CHCHD6: variants seen among roughly 807,000 people sequenced by gnomAD.
CHCHD6 encodes MICOS complex subunit MIC25.
CHCHD6 carries 28 observed loss-of-function variants against 32.3 expected under a neutral mutation model. The ratio of observed to expected loss-of-function variants is 0.87; its 90% CI spans 0.64 to 1.19. The LOEUF is 1.19. Ranked by LOEUF, CHCHD6 falls within the 50% of genes most tolerant of loss-of-function variation. CHCHD6 has a pLI of 0.00. For synonymous variants in CHCHD6, 122 were observed against 117.5 expected (o/e 1.04, Z -0.25); for missense variants, 333 against 307.0 (o/e 1.08, Z -0.63).
In CHCHD6 at chr3:126,836,734, G is replaced by A. The variant is rs566481907; in HGVS notation, c.412-15913G>A. On this transcript the variant is annotated intron_variant, in intron 4 of 7. Coordinates refer to ENST00000290913, the MANE Select transcript of CHCHD6 (RefSeq NM_032343.3). ...AGAGGGCGTCTGCAGGGATACGGAG[G>A]TGCTGGCTGAGCTAGGTATGCCTGT... Among the ~76,000 whole-genome samples the A allele has an allele frequency of 8.5e-5, 13 of 152,338 alleles. No individual in the cohort carries two copies. In the South Asian group the frequency reaches 2.3e-3, roughly 27 times the overall value.
At chr3:126,774,507 G>C (rs1157541254) in intron 4 of CHCHD6, among the ~76,000 whole-genome samples, 1 of 152,124 alleles carries the variant, frequency 6.6e-6, no homozygotes, top group Non-Finnish European at 1.5e-5. Context: ...TAAATTCCTG[G>C]AACCACGACT....
rs76371258 is a variant in CHCHD6, at chr3:126,844,637, T to C, written c.412-8010T>C. On this transcript the variant is annotated intron_variant, in intron 4 of 7. Coordinates refer to ENST00000290913, the MANE Select transcript of CHCHD6 (RefSeq NM_032343.3). ...CTTATTAATAACACGAAGTTAGGAC[T>C]TTGCCTTCTCATTGGGGAGTGTGAT... Among the ~76,000 whole-genome samples, 19 of 152,342 alleles carry C rather than the reference T, an allele frequency of 1.2e-4. No individual in the cohort carries two copies. In the East Asian group the frequency reaches 2.9e-3, roughly 23 times the overall value.
intron 4 of CHCHD6, among the ~76,000 whole-genome samples, chr3:126,785,273 A>T (rs890639264): frequency 6.6e-6 from 1 of 152,194 alleles, no homozygotes; most frequent in Admixed American, 6.5e-5. Flanking sequence ...AACCAAAACA[A>T]TCTCCAGATG....
At chr3:126,956,535 C>T (rs777081229) in intron 6 of CHCHD6, among the ~76,000 whole-genome samples, 94 of 151,378 alleles carry the variant, frequency 6.2e-4, no homozygotes, top group Admixed American at 9.9e-4. Context: ...CGCCCAGCAG[C>T]CGGAGGACAG....
At chr3:126,863,834 C>A (rs1200150211) in intron 5 of CHCHD6, among the ~76,000 whole-genome samples, 2 of 147,902 alleles carry the variant, frequency 1.4e-5, no homozygotes, top group East Asian at 4.6e-4. Context: ...TCTACCATCA[C>A]CACCTCCTCC....
At chr3:126,926,161 GAGTT>G (rs2107596258) in intron 6 of CHCHD6, among the ~76,000 whole-genome samples, 2 of 152,368 alleles carry the variant, frequency 1.3e-5, no homozygotes, top group South Asian at 4.1e-4. Flanking sequence ...ACCCAAGACA[GAGTT>G]AGCTCTGCCC....
intron 4 of CHCHD6, among the ~76,000 whole-genome samples, chr3:126,822,417 A>G (rs1472780994): frequency 6.6e-6 from 1 of 152,240 alleles, no homozygotes; most frequent in Non-Finnish European, 1.5e-5. Flanking sequence ...TCAGAATTCC[A>G]GTCCATGTAT....
intron 4 of CHCHD6, among the ~76,000 whole-genome samples, chr3:126,825,468 AC>A (rs1157561835): frequency 6.6e-6 from 1 of 151,874 alleles, no homozygotes; most frequent in East Asian, 1.9e-4. Context: ...TCTTTTTCTT[AC>A]TTTTTTTGGT....
rs1258150032 is a variant in CHCHD6, at chr3:126,738,692, TCCCATTGCAGTGC to T, written c.411+5479_411+5491del. On this transcript the variant is annotated intron_variant, in intron 4 of 7. Transcript: ENST00000290913. ...GTCGTCTGTTATCTTTCCCTCGTGATCCCATTGCAGTGCCCCATTGCTAATAGTTGGAAGCAAG... is the reference window on the plus strand; with the variant it reads ...GTCGTCTGTTATCTTTCCCTCGTGATCCCATTGCTAATAGTTGGAAGCAAG... 5.3e-5 allele frequency among the ~76,000 whole-genome samples: 8 copies of T among 152,284 alleles called. No individual in the cohort carries two copies. The South Asian group carries it at 1.5e-3, about 28-fold the overall frequency.
rs767410739 is a variant in CHCHD6 at position 126,704,275 on chromosome 3, C to T, written c.-38C>T. 2 of 1,559,416 alleles carry T rather than the reference C, an allele frequency of 1.3e-6. No individual in the cohort carries two copies. Among genetic ancestry groups the T allele is most frequent in the Non-Finnish European group, 1.8e-6 (2 of 1,140,886 alleles). On this transcript the variant is annotated 5_prime_UTR_variant, in exon 1 of 8. Transcript: ENST00000290913. ...TGGCCCGGTTGCTCTGGAGCCGGGT[C>T]TCGGGTCTGGTGGCTGCCGGCCCTG...
chr3:126,865,817 A>G (rs1942270431), intron 5 of CHCHD6: 2 of 869,256 alleles, frequency 2.3e-6, no homozygotes. Context: ...ATCTCACACT[A>G]ATCTCTGAGG....
intron 5 of CHCHD6, among the ~76,000 whole-genome samples, chr3:126,859,898 C>T (rs958723269): frequency 3.9e-5 from 6 of 152,146 alleles, no homozygotes; most frequent in Admixed American, 6.5e-5. Flanking sequence ...GTGAAGGCCC[C>T]GTGAGCTGTG....
chr3:126,877,606 A>G (rs1245213485), intron 5 of CHCHD6, among the ~76,000 whole-genome samples: 11 of 152,186 alleles, frequency 7.2e-5, no homozygotes, highest in African/African-American at 2.7e-4. Flanking sequence ...GAATACAAAC[A>G]GCATTAAAGG....
At chr3:126,906,529 C>A (rs190767472) in intron 5 of CHCHD6, among the ~76,000 whole-genome samples, 1 of 152,218 alleles carries the variant, frequency 6.6e-6, no homozygotes, top group Non-Finnish European at 1.5e-5. Flanking sequence ...TGCTTTACGC[C>A]GGGTGTAGTC....
At chr3:126,773,842 G>C (rs182746839) in intron 4 of CHCHD6, among the ~76,000 whole-genome samples, 2 of 152,112 alleles carry the variant, frequency 1.3e-5, no homozygotes, top group East Asian at 3.9e-4. Flanking sequence ...CTCAGCTCAG[G>C]CAATCCTCCT....
intron 6 of CHCHD6, among the ~76,000 whole-genome samples, chr3:126,922,206 G>T (rs1412979120): frequency 1.3e-5 from 2 of 152,176 alleles, no homozygotes; most frequent in Non-Finnish European, 2.9e-5. Context: ...TCACGTGCCA[G>T]CGACTGTGCT....
At chr3:126,757,317 G>C (rs1457510857) in intron 4 of CHCHD6, among the ~76,000 whole-genome samples, 1 of 152,184 alleles carries the variant, frequency 6.6e-6, no homozygotes, top group Non-Finnish European at 1.5e-5. Flanking sequence ...AAGGGAAACT[G>C]ACCCTGTACT....
intron 1 of CHCHD6, among the ~76,000 whole-genome samples, chr3:126,718,195 A>G (rs1172596908): frequency 6.6e-6 from 1 of 152,194 alleles, no homozygotes; most frequent in Non-Finnish European, 1.5e-5. Flanking sequence ...AGCACTTAGA[A>G]CAGTGCTGAT....
intron 6 of CHCHD6, among the ~76,000 whole-genome samples, chr3:126,952,319 T>G (rs2078726988): frequency 6.6e-6 from 1 of 152,094 alleles, no homozygotes; most frequent in South Asian, 2.1e-4. Context: ...CCGACCCAAC[T>G]GAAATTCAGG....
Sources: allele counts gnomAD v4.1 joint callset (sites outside exome capture counted in the v4.1 genomes callset), GRCh38; gene constraint gnomAD v4.1.1; transcripts MANE v1.5; gene names NCBI Gene and HGNC (gene_info 2026-07-23, HGNC 2026-07-21).